CSMD1: variants seen among roughly 807,000 people sequenced by gnomAD.
CSMD1 encodes CUB and sushi domain-containing protein 1.
Under a neutral mutation model 417.5 loss-of-function variants are expected in CSMD1, and 213 were observed. That is an observed-to-expected ratio of 0.51 (90% CI 0.46 to 0.57). The LOEUF (loss-of-function observed/expected upper bound fraction) is 0.57, where lower values mean the gene tolerates loss of function less well. Among genes scored for constraint, CSMD1 ranks in the 20% least tolerant of loss-of-function variants. CSMD1 has a pLI of 0.00. For synonymous variants in CSMD1, 2,862 were observed against 1,736.8 expected (o/e 1.65, Z -16.11); for missense variants, 6,923 against 4,529.7 (o/e 1.53, Z -15.17).
rs530929997 is a variant in CSMD1, at chr8:3,859,323, A to C, written c.819-105281T>G. Among the ~76,000 whole-genome samples the C allele has an allele frequency of 9.2e-5, 14 of 152,262 alleles. No homozygotes were observed. In the South Asian group the frequency reaches 2.1e-3, roughly 23 times the overall value. Reference sequence around the variant, plus strand: ...ATGGCAACCTACATTCGCTCGGCCTATTTTTTGTCACTTTCATTCTCCATA... The same window carrying C: ...ATGGCAACCTACATTCGCTCGGCCTCTTTTTTGTCACTTTCATTCTCCATA... On this transcript the variant is annotated intron_variant, in intron 5 of 69. Transcript: ENST00000635120.
intron 5 of CSMD1, among the ~76,000 whole-genome samples, chr8:3,926,734 T>A (rs76355752): frequency 1.4e-5 from 2 of 147,562 alleles, no homozygotes; most frequent in Non-Finnish European, 3.0e-5. Flanking sequence ...TTTTTTTTTT[T>A]TTTATGGAGT....
At chr8:4,137,052 G>C (rs967669287) in intron 3 of CSMD1, among the ~76,000 whole-genome samples, 5 of 152,098 alleles carry the variant, frequency 3.3e-5, no homozygotes, top group Admixed American at 6.5e-5. Context: ...TTGGCTTTTC[G>C]GGCTCTAACT....
rs189441961 is a variant in CSMD1, at chr8:4,685,852, C to T, written c.86-48294G>A. Among the ~76,000 whole-genome samples the T allele has an allele frequency of 2.4e-3, 360 of 152,226 alleles. 2 individuals carry two copies. Among genetic ancestry groups the T allele is most frequent in the African/African-American group, 8.3e-3 (343 of 41,550 alleles). On this transcript the variant is annotated intron_variant, in intron 1 of 69. Coordinates refer to ENST00000635120, the MANE Select transcript of CSMD1 (RefSeq NM_033225.6). ...GCCATGACTCATATTTATAGGTTTG[C>T]TAAAAGAGAGGTTGATTTCCCTTTG...
At chr8:4,820,122 A>G (rs1799437889) in intron 1 of CSMD1, among the ~76,000 whole-genome samples, 1 of 152,026 alleles carries the variant, frequency 6.6e-6, no homozygotes, top group Admixed American at 6.6e-5. Flanking sequence ...GCTGGGACAG[A>G]GGCTAGAATT....
At chr8:4,731,277 G>C (rs550809516) in intron 1 of CSMD1, among the ~76,000 whole-genome samples, 1 of 152,132 alleles carries the variant, frequency 6.6e-6, no homozygotes, top group African/African-American at 2.4e-5. Flanking sequence ...CTTGGTTAGA[G>C]GCCACCTTCC....
chr8:3,732,174 G>C (rs755229881), intron 6 of CSMD1, among the ~76,000 whole-genome samples: 7 of 152,224 alleles, frequency 4.6e-5, no homozygotes, highest in African/African-American at 1.2e-4. Context: ...ACTCGTGGTG[G>C]TTGCCTTGGG....
rs540012056 is a variant in CSMD1 at position 3,325,678 on chromosome 8, G to C, written c.3632-17175C>G. On this transcript the variant is annotated intron_variant, in intron 23 of 69. Transcript: ENST00000635120. ...GTCTCTACTAAAAATACAGAAGTTA[G>C]CTGGGCATGGTGGCAGGCGCCTATA... 8.5e-5 allele frequency among the ~76,000 whole-genome samples: 13 copies of C among 152,248 alleles called. No homozygotes were observed. In the South Asian group the frequency reaches 2.5e-3, roughly 29 times the overall value.
chr8:4,286,621 G>A (rs959135389), intron 3 of CSMD1, among the ~76,000 whole-genome samples: 1 of 152,102 alleles, frequency 6.6e-6, no homozygotes, highest in African/African-American at 2.4e-5. Flanking sequence ...AACACCACTT[G>A]ACCTCGAAGA....
chr8:3,491,584 C>T (rs1317026564), intron 11 of CSMD1, among the ~76,000 whole-genome samples: 1 of 152,108 alleles, frequency 6.6e-6, no homozygotes, highest in Admixed American at 6.5e-5. Context: ...TGTTCTCTTG[C>T]AAAATGTCCA....
intron 2 of CSMD1, among the ~76,000 whole-genome samples, chr8:4,424,551 A>T (rs894266057): frequency 6.6e-6 from 1 of 152,072 alleles, no homozygotes; most frequent in African/African-American, 2.4e-5. Context: ...TGACAACATC[A>T]CATGCTGGCT....
At chr8:4,316,659 T>G (rs1209144788) in intron 3 of CSMD1, among the ~76,000 whole-genome samples, 1 of 152,176 alleles carries the variant, frequency 6.6e-6, no homozygotes, top group East Asian at 1.9e-4. Flanking sequence ...TGTGTCAAGA[T>G]GAAGGACTCA....
chr8:3,990,277 T>G (rs542838588), intron 5 of CSMD1, among the ~76,000 whole-genome samples: 7 of 152,340 alleles, frequency 4.6e-5, no homozygotes, highest in Admixed American at 2.6e-4. Flanking sequence ...GCCTACAGCT[T>G]AAATAATTTA....
chr8:3,042,123 T>C (rs1481964884), intron 50 of CSMD1, among the ~76,000 whole-genome samples: 1 of 151,808 alleles, frequency 6.6e-6, no homozygotes. Flanking sequence ...GGCAGGAGGG[T>C]GATGGGGACA....
intron 52 of CSMD1, among the ~76,000 whole-genome samples, chr8:3,004,320 G>A (rs1213719158): frequency 6.6e-6 from 1 of 152,166 alleles, no homozygotes; most frequent in Non-Finnish European, 1.5e-5. Flanking sequence ...CAATTGTGTA[G>A]CAACAACAGT....
At chr8:3,291,287 T>C (rs532999636) in intron 25 of CSMD1, among the ~76,000 whole-genome samples, 1 of 152,140 alleles carries the variant, frequency 6.6e-6, no homozygotes, top group East Asian at 1.9e-4. Flanking sequence ...TAAAATTCTC[T>C]TTTTTTGTTG....
At chr8:4,557,878 G>T (rs754732218) in intron 2 of CSMD1, among the ~76,000 whole-genome samples, 3 of 151,978 alleles carry the variant, frequency 2.0e-5, no homozygotes, top group Non-Finnish European at 4.4e-5. Context: ...AATGGGAGTC[G>T]GACAGTGTAA....
At chr8:4,773,216 G>C (rs1312272515) in intron 1 of CSMD1, among the ~76,000 whole-genome samples, 3 of 152,102 alleles carry the variant, frequency 2.0e-5, no homozygotes, top group Non-Finnish European at 4.4e-5. Context: ...ACATGTCACA[G>C]CTCAAAAAGT....
At chr8:4,822,592 T>C (rs543302671) in intron 1 of CSMD1, among the ~76,000 whole-genome samples, 50 of 152,178 alleles carry the variant, frequency 3.3e-4, no homozygotes, top group African/African-American at 1.1e-3. Context: ...TTTTTAGCAA[T>C]TTTTAGCAAT....
At chr8:3,714,891 C>G (rs1396718203) in intron 6 of CSMD1, among the ~76,000 whole-genome samples, 1 of 152,124 alleles carries the variant, frequency 6.6e-6, no homozygotes, top group Non-Finnish European at 1.5e-5. Flanking sequence ...GTTTTGAACA[C>G]AACACACCTG....
Sources: allele counts gnomAD v4.1 joint callset (sites outside exome capture counted in the v4.1 genomes callset), GRCh38; gene constraint gnomAD v4.1.1; transcripts MANE v1.5; gene names NCBI Gene and HGNC (gene_info 2026-07-23, HGNC 2026-07-21).